Variants in MGAT4C observed in about 807,000 individuals in gnomAD.
MGAT4C encodes the protein alpha-1,3-mannosyl-glycoprotein 4-beta-N-acetylglucosaminyltransferase C.
In MGAT4C, 19 loss-of-function variants were observed where a neutral mutation model predicts 40.1. The observed-to-expected ratio is 0.47, with a 90% CI of 0.33 to 0.70. MGAT4C has a LOEUF of 0.70. MGAT4C is among the 30% of genes least tolerant of loss of function. The pLI is 0.02. For missense variants in MGAT4C, 491 were observed against 563.2 expected (o/e 0.87, Z 1.30); for synonymous variants, 181 against 187.1 (o/e 0.97, Z 0.27).
chr12:86,402,347 C>A (rs904067176), intron 3 of MGAT4C, among the ~76,000 whole-genome samples: 12 of 152,194 alleles, frequency 7.9e-5, no homozygotes, highest in Admixed American at 3.9e-4. Context: ...ATTACTTGAA[C>A]CCAGGAGGTG....
At chr12:86,373,650 ATAG>A (rs1381463682) in intron 3 of MGAT4C, among the ~76,000 whole-genome samples, 1 of 149,634 alleles carries the variant, frequency 6.7e-6, no homozygotes, top group Non-Finnish European at 1.5e-5. Context: ...ACAAAAGAAA[ATAG>A]TTTTTTTTTT....
chr12:86,064,390 A>T (rs1894310606), intron 1 of MGAT4C, among the ~76,000 whole-genome samples: 1 of 152,202 alleles, frequency 6.6e-6, no homozygotes, highest in African/African-American at 2.4e-5. Flanking sequence ...AAAAAAAAGA[A>T]ATAAAATAAA....
chr12:86,706,662 A>G (rs567750478), intron 2 of MGAT4C, among the ~76,000 whole-genome samples: 1 of 152,312 alleles, frequency 6.6e-6, no homozygotes, highest in South Asian at 2.1e-4. Context: ...TATTTCAAGG[A>G]ATGACATTAT....
At chr12:86,351,688 A>C (rs1314617783) in intron 3 of MGAT4C, among the ~76,000 whole-genome samples, 1 of 152,046 alleles carries the variant, frequency 6.6e-6, no homozygotes, top group East Asian at 1.9e-4. Context: ...GTTTAACCTT[A>C]ATTTTAATGG....
intron 2 of MGAT4C, among the ~76,000 whole-genome samples, chr12:86,555,542 G>A (rs540202080): frequency 6.6e-6 from 1 of 152,174 alleles, no homozygotes; most frequent in Non-Finnish European, 1.5e-5. Flanking sequence ...CATAATCTAA[G>A]CCCAGGGCAT....
At position 86,705,258 on chromosome 12, in the gene MGAT4C, C is replaced by A. The variant is rs569440759; in HGVS notation, c.-229+21951G>T. The stretch of plus-strand genomic sequence containing the variant: ...TCTATCTATCTATCTATCTATCTAT[C>A]TATCTATCTAATTTGTCCACCTATC... On this transcript the variant is annotated intron_variant, in intron 2 of 7. Coordinates refer to the MGAT4C transcript ENST00000548651. 2.0e-5 allele frequency among the ~76,000 whole-genome samples: 3 copies of A among 148,846 alleles called. No homozygotes were observed. In the South Asian group the frequency reaches 6.4e-4, roughly 32 times the overall value.
intron 2 of MGAT4C, among the ~76,000 whole-genome samples, chr12:85,999,369 T>G (rs1218436404): frequency 6.6e-6 from 1 of 152,040 alleles, no homozygotes; most frequent in Admixed American, 6.6e-5. Context: ...GGATGACAAG[T>G]CTCAATACAT....
intron 1 of MGAT4C, among the ~76,000 whole-genome samples, chr12:86,753,151 A>G (rs1951250294): frequency 6.6e-6 from 1 of 152,154 alleles, no homozygotes. Context: ...AAAACTGGCC[A>G]TAAATAAAAT....
rs1324306660 is a variant in MGAT4C, at chr12:85,964,174, TTA to T, written c.*15113_*15114del. The T allele has an allele frequency of 1.3e-5, 2 of 152,110 alleles. No individual in the cohort carries two copies. Among genetic ancestry groups the T allele is most frequent in the African/African-American group, 4.8e-5 (2 of 41,464 alleles). The allele number at this position is 152,110 out of a possible 1,614,324, so 9.4% of individuals were successfully genotyped here. ...AGATTATAAAACACCAATGATTAGA[TTA>T]TGTTATAAAGACACTATGAAGAGAT... On this transcript the variant is annotated 3_prime_UTR_variant, in exon 5 of 5. Coordinates refer to ENST00000611864, the MANE Select transcript of MGAT4C (RefSeq NM_001351288.2).
At chr12:86,388,000 T>C (rs1592776182) in intron 3 of MGAT4C, among the ~76,000 whole-genome samples, 1 of 152,284 alleles carries the variant, frequency 6.6e-6, no homozygotes, top group East Asian at 1.9e-4. Context: ...CTCAGACACT[T>C]ATGCACAAGA....
At chr12:86,175,023 G>A (rs930715179) in intron 1 of MGAT4C, among the ~76,000 whole-genome samples, 2 of 151,928 alleles carry the variant, frequency 1.3e-5, no homozygotes, top group Non-Finnish European at 2.9e-5. Flanking sequence ...ATTTCTATAT[G>A]AGAATGTCCA....
chr12:86,152,209 C>T (rs1487662168), intron 1 of MGAT4C, among the ~76,000 whole-genome samples: 1 of 152,200 alleles, frequency 6.6e-6, no homozygotes, highest in Non-Finnish European at 1.5e-5. Context: ...GTTTGTGCTG[C>T]TATAACAAAA....
chr12:86,560,588 T>A (rs1959814559), intron 2 of MGAT4C, among the ~76,000 whole-genome samples: 1 of 152,138 alleles, frequency 6.6e-6, no homozygotes, highest in Admixed American at 6.5e-5. Context: ...AACCTCAATA[T>A]TCTTTCATGA....
At chr12:86,203,504 G>C (rs1950128132) in intron 1 of MGAT4C, among the ~76,000 whole-genome samples, 1 of 151,204 alleles carries the variant, frequency 6.6e-6, no homozygotes, top group Non-Finnish European at 1.5e-5. Flanking sequence ...GCAGAATTAT[G>C]TATCTTCTCT....
At chr12:86,290,572 T>C (rs1334917259) in intron 4 of MGAT4C, among the ~76,000 whole-genome samples, 1 of 152,128 alleles carries the variant, frequency 6.6e-6, no homozygotes, top group East Asian at 1.9e-4. Flanking sequence ...ATAAAGTAGG[T>C]TGGTCCCTTG....
At chr12:85,991,465 C>A (rs1005874832) in intron 2 of MGAT4C, among the ~76,000 whole-genome samples, 2 of 150,832 alleles carry the variant, frequency 1.3e-5, no homozygotes, top group Admixed American at 6.6e-5. Context: ...GGGGACCCAC[C>A]CCCTTCCCCC....
chr12:86,560,461 C>G (rs4309213), intron 2 of MGAT4C, among the ~76,000 whole-genome samples: 129,472 of 152,084 alleles, frequency 0.85, 55,641 homozygotes, highest in East Asian at 0.96. Context: ...GTTGGTTCCA[C>G]GAATTCAAGG....
chr12:86,464,780 TTAAC>T (rs1487377515), intron 2 of MGAT4C, among the ~76,000 whole-genome samples: 1 of 152,134 alleles, frequency 6.6e-6, no homozygotes, highest in Admixed American at 6.5e-5. Flanking sequence ...TATTTCTATA[TTAAC>T]TATGAAAGAT....
chr12:86,455,803 T>G (rs1957499866), intron 2 of MGAT4C, among the ~76,000 whole-genome samples: 1 of 152,130 alleles, frequency 6.6e-6, no homozygotes, highest in African/African-American at 2.4e-5. Flanking sequence ...ATATCTAGTT[T>G]CTAAACAGCC....
Sources: gnomAD v4.1 joint callset for allele counts (sites outside exome capture counted in the v4.1 genomes callset) on GRCh38, gnomAD v4.1.1 for gene constraint, MANE v1.5 for transcripts, NCBI Gene and HGNC (gene_info 2026-07-23, HGNC 2026-07-21) for gene names.